Variants in DGKB observed in about 807,000 individuals in gnomAD.
The protein encoded by DGKB is diacylglycerol kinase beta.
DGKB carries 67 observed loss-of-function variants against 114.3 expected under a neutral mutation model. The ratio of observed to expected loss-of-function variants is 0.59; its 90% CI spans 0.48 to 0.72. DGKB has a LOEUF of 0.72. Ranked by LOEUF, DGKB falls within the 30% of genes least tolerant of loss-of-function variation. The pLI, the probability that DGKB is intolerant of heterozygous loss-of-function variation, is 0.00. For missense variants in DGKB, 907 were observed against 975.2 expected (o/e 0.93, Z 0.93); for synonymous variants, 398 against 323.1 (o/e 1.23, Z -2.49).
At chr7:14,472,840 G>A (rs537034843) in intron 21 of DGKB, among the ~76,000 whole-genome samples, 1 of 152,246 alleles carries the variant, frequency 6.6e-6, no homozygotes, top group African/African-American at 2.4e-5. Flanking sequence ...CCCTGCCCTA[G>A]AGATTTGTGG....
At chr7:14,390,324 C>T (rs1440617999) in intron 21 of DGKB, among the ~76,000 whole-genome samples, 1 of 152,134 alleles carries the variant, frequency 6.6e-6, no homozygotes, top group African/African-American at 2.4e-5. Context: ...TCTCATACTT[C>T]TACTAATTTT....
At chr7:14,832,196 T>C (rs1279385101) in intron 2 of DGKB, among the ~76,000 whole-genome samples, 1 of 152,074 alleles carries the variant, frequency 6.6e-6, no homozygotes, top group African/African-American at 2.4e-5. Flanking sequence ...CATAAGTTGC[T>C]GACGGCCAAA....
At chr7:14,953,183 C>CA (rs1318573594) in intron 1 of DGKB, among the ~76,000 whole-genome samples, 2 of 151,264 alleles carry the variant, frequency 1.3e-5, no homozygotes, top group Admixed American at 6.6e-5. Flanking sequence ...AAAACATAAG[C>CA]AAAAAAAGAA....
chr7:14,313,522 T>G (rs1562908249), intron 23 of DGKB, among the ~76,000 whole-genome samples: 1 of 152,142 alleles, frequency 6.6e-6, no homozygotes, highest in Non-Finnish European at 1.5e-5. Context: ...GGACGGCACC[T>G]GGAAAATCGG....
chr7:14,958,611 A>T lies in DGKB; in HGVS notation c.-188+16085T>A, dbSNP rs1221345576. Among the ~76,000 whole-genome samples the T allele has an allele frequency of 2.6e-5, 4 of 152,206 alleles. No homozygotes were observed. In the East Asian group the frequency reaches 7.8e-4, roughly 29 times the overall value. On this transcript the variant is annotated intron_variant, in intron 1 of 4. Coordinates refer to the DGKB transcript ENST00000437998. ...CCCAAAAATGCCATTTCCTTTTCTT[A>T]AAGTAACCAGTATTTTCATTGCTTC... is the stretch of plus-strand genomic sequence containing the variant.
At chr7:14,230,655 A>G (rs1405644661) in intron 23 of DGKB, among the ~76,000 whole-genome samples, 1 of 151,968 alleles carries the variant, frequency 6.6e-6, no homozygotes, top group African/African-American at 2.4e-5. Context: ...ATACTTTAAA[A>G]CCTTAGTTTA....
intron 23 of DGKB, among the ~76,000 whole-genome samples, chr7:14,292,621 CACATTTT>C (rs1478514589): frequency 4.6e-5 from 7 of 152,086 alleles, no homozygotes; most frequent in Non-Finnish European, 1.0e-4. Context: ...CAGGTGAGAC[CACATTTT>C]ATTAAATGGC....
At chr7:14,844,153 G>A (rs532807304) in intron 1 of DGKB, among the ~76,000 whole-genome samples, 1 of 152,346 alleles carries the variant, frequency 6.6e-6, no homozygotes, top group African/African-American at 2.4e-5. Context: ...GTAAGTAGAT[G>A]TTGGTGAAGC....
chr7:14,373,669 C>T (rs1414629472), intron 21 of DGKB, among the ~76,000 whole-genome samples: 1 of 152,102 alleles, frequency 6.6e-6, no homozygotes, highest in East Asian at 1.9e-4. Context: ...TTTTCTCCTG[C>T]TCTATCTTGG....
intron 4 of DGKB, among the ~76,000 whole-genome samples, chr7:14,740,839 C>T (rs1832481836): frequency 9.2e-5 from 14 of 152,168 alleles, no homozygotes; most frequent in Admixed American, 9.2e-4. Context: ...CATTGACACC[C>T]ATGGGTGGCA....
At chr7:14,631,263 CAAAAAAAAA>C (rs35088925) in intron 13 of DGKB, among the ~76,000 whole-genome samples, 42 of 98,406 alleles carry the variant, frequency 4.3e-4, no homozygotes, top group Middle Eastern at 0.011. Context: ...CAGCAAGAAC[CAAAAAAAAA>C]AAAAAAAAAA....
At chr7:14,729,097 G>A (rs935614412) in intron 5 of DGKB, among the ~76,000 whole-genome samples, 1 of 147,940 alleles carries the variant, frequency 6.8e-6, no homozygotes. Context: ...CTCCCCACTA[G>A]AATGGAAACG....
chr7:14,418,188 TA>T (rs1377885311), intron 21 of DGKB, among the ~76,000 whole-genome samples: 10 of 140,680 alleles, frequency 7.1e-5, no homozygotes, highest in African/African-American at 1.0e-4. Flanking sequence ...AATATAAATA[TA>T]AAAAATTTTA....
At chr7:14,398,076 C>T (rs1278838761) in intron 21 of DGKB, among the ~76,000 whole-genome samples, 1 of 152,086 alleles carries the variant, frequency 6.6e-6, no homozygotes, top group Middle Eastern at 3.2e-3. Flanking sequence ...ATGTTTTACG[C>T]ATTGGAGAAA....
intron 1 of DGKB, among the ~76,000 whole-genome samples, chr7:14,890,218 A>G (rs984981311): frequency 5.3e-5 from 8 of 151,670 alleles, no homozygotes; most frequent in African/African-American, 1.7e-4. Context: ...AACCCTATTT[A>G]TATAGCTTAC....
At position 14,828,496 on chromosome 7, in the gene DGKB, G is replaced by A. The variant is rs151323376; in HGVS notation, c.70+12698C>T. On this transcript the variant is annotated intron_variant, in intron 2 of 25. Transcript: ENST00000402815. ...AATCCTCACCTTCACGGGAAGGGGCGTAACAACATGGGCAAGCTCATGAAT... is the reference window on the plus strand; with the variant it reads ...AATCCTCACCTTCACGGGAAGGGGCATAACAACATGGGCAAGCTCATGAAT... Among the ~76,000 whole-genome samples the A allele has an allele frequency of 7.6e-3, 1,156 of 152,198 alleles. 5 individuals are homozygous for A. The highest frequency in any genetic ancestry group is 0.012 in the Non-Finnish European group (815 of 67,994).
At chr7:14,488,681 A>G (rs531193641) in intron 20 of DGKB, among the ~76,000 whole-genome samples, 3 of 150,648 alleles carry the variant, frequency 2.0e-5, no homozygotes, top group Non-Finnish European at 3.0e-5. Context: ...ATATAAAATT[A>G]GCTCGGTGTG....
chr7:14,392,982 G>GTTTTTTTTTTTTTTTT (rs1298052301), intron 21 of DGKB, among the ~76,000 whole-genome samples: 2 of 27,484 alleles, frequency 7.3e-5, no homozygotes, highest in African/African-American at 1.8e-4. Context: ...AAACAGACCT[G>GTTTTTTTTTTTTTTTT]TTTTTTGTTT....
chr7:14,343,523 T>A lies in DGKB; in HGVS notation c.1926+1778A>T, dbSNP rs990606513. On this transcript the variant is annotated intron_variant, in intron 22 of 25. Transcript: ENST00000402815. ...TTTGCTGTAAACACAACACTTTTCT[T>A]AAAGATTTTTTTTTTGTACTTTGTG... Among the ~76,000 whole-genome samples the A allele has an allele frequency of 9.9e-5, 15 of 151,882 alleles. No homozygotes were observed. In the East Asian group the frequency reaches 2.7e-3, roughly 27 times the overall value.
Sources: allele counts gnomAD v4.1 joint callset (sites outside exome capture counted in the v4.1 genomes callset), GRCh38; gene constraint gnomAD v4.1.1; transcripts MANE v1.5; gene names NCBI Gene and HGNC (gene_info 2026-07-23, HGNC 2026-07-21).